The following TUSC3 variants were observed in gnomAD, a reference collection of about 807,000 sequenced individuals.
TUSC3 encodes dolichyl-diphosphooligosaccharide--protein glycosyltransferase subunit TUSC3.
Under a neutral mutation model 44.8 loss-of-function variants are expected in TUSC3, and 45 were observed. The ratio of observed to expected loss-of-function variants is 1.00; its 90% CI spans 0.79 to 1.29. The LOEUF is 1.29. Ranked by LOEUF, TUSC3 falls within the 50% of genes most tolerant of loss-of-function variation. The probability of loss-of-function intolerance (pLI) is 0.00; values close to 1 mark genes in which losing one functional copy is unlikely to be tolerated. For missense variants in TUSC3, 519 were observed against 437.9 expected (o/e 1.19, Z -1.65); for synonymous variants, 212 against 152.9 (o/e 1.39, Z -2.85).
At chr8:15,748,592 T>A (rs1338691926) in intron 9 of TUSC3, 127 bp downstream of exon 9, 2 of 876,796 alleles carry the variant, frequency 2.3e-6, no homozygotes, top group African/African-American at 3.3e-5. Context: ...GTTAAGCAAG[T>A]TTTTGAGCAC....
At chr8:15,611,403 G>C (rs1820824) in intron 1 of TUSC3, among the ~76,000 whole-genome samples, 20 of 152,140 alleles carry the variant, frequency 1.3e-4, no homozygotes, top group African/African-American at 4.8e-4. Context: ...TGGCTAGGGT[G>C]GTCTCAAACT....
At chr8:15,808,315 A>G in the TUSC3 span, among the ~76,000 whole-genome samples, 4 of 152,152 alleles carry the variant, frequency 2.6e-5, no homozygotes, top group East Asian at 7.7e-4. Context: ...TATATTAAAC[A>G]TAAAAAGAAT....
chr8:15,664,449 ATT>A (rs1807567162), intron 5 of TUSC3, among the ~76,000 whole-genome samples: 1 of 59,894 alleles, frequency 1.7e-5, no homozygotes, highest in African/African-American at 6.1e-5. Flanking sequence ...TATTATTATT[ATT>A]ATTATTATTA....
the TUSC3 span, among the ~76,000 whole-genome samples, chr8:15,822,132 G>T: frequency 6.6e-6 from 1 of 152,122 alleles, no homozygotes; most frequent in African/African-American, 2.4e-5. Context: ...TTTGGCTTGA[G>T]CAATAGGAAG....
intron 1 of TUSC3, among the ~76,000 whole-genome samples, chr8:15,609,811 A>G (rs1362680305): frequency 6.6e-6 from 1 of 152,002 alleles, no homozygotes; most frequent in African/African-American, 2.4e-5. Flanking sequence ...TCCCAAAACC[A>G]AAAAAAGGCC....
chr8:15,707,537 T>G (rs1809666012), intron 6 of TUSC3, among the ~76,000 whole-genome samples: 1 of 151,932 alleles, frequency 6.6e-6, no homozygotes, highest in African/African-American at 2.4e-5. Flanking sequence ...TTCCCAGGCC[T>G]GTAGGGGAAA....
intron 1 of TUSC3, among the ~76,000 whole-genome samples, chr8:15,562,446 T>A (rs766845638): frequency 6.6e-6 from 1 of 152,158 alleles, no homozygotes; most frequent in East Asian, 1.9e-4. Flanking sequence ...TATATTAGTT[T>A]TATATTGATG....
chr8:15,713,237 T>C (rs1809928000), intron 6 of TUSC3, among the ~76,000 whole-genome samples: 1 of 152,202 alleles, frequency 6.6e-6, no homozygotes, highest in Non-Finnish European at 1.5e-5. Context: ...GTTTACAGTT[T>C]TATGTGGTTT....
At chr8:15,833,057 C>G in the TUSC3 span, among the ~76,000 whole-genome samples, 2 of 152,172 alleles carry the variant, frequency 1.3e-5, no homozygotes, top group South Asian at 4.1e-4. Context: ...TGGACATGAA[C>G]AGACGCTTTT....
At chr8:15,787,179 T>G in the TUSC3 span, among the ~76,000 whole-genome samples, 4 of 152,126 alleles carry the variant, frequency 2.6e-5, no homozygotes, top group Non-Finnish European at 5.9e-5. Flanking sequence ...TTTCGTTGTG[T>G]TGTTTTGTAT....
intron 1 of TUSC3, among the ~76,000 whole-genome samples, chr8:15,562,960 G>A (rs1242800227): frequency 1.3e-5 from 2 of 152,052 alleles, no homozygotes; most frequent in East Asian, 1.9e-4. Context: ...AATTGTGGGA[G>A]CGCTGTTCTG....
At chr8:15,436,545 C>G (rs541954431) in intron 1 of TUSC3, among the ~76,000 whole-genome samples, 10 of 152,144 alleles carry the variant, frequency 6.6e-5, no homozygotes, top group Non-Finnish European at 7.3e-5. Flanking sequence ...TTAAGAACAA[C>G]TAATGTTTCT....
rs1807312789 is a variant in TUSC3, at chr8:15,659,258, A to C, written c.427-249A>C. ...AAGAACGAAATGACTTACAAAATAT[A>C]CAGAACATAATGCATAATTTGAATG... On this transcript the variant is annotated intron_variant, in intron 3 of 10. Transcript: ENST00000503731. Among the ~76,000 whole-genome samples, 3 of 152,130 alleles carry C rather than the reference A, an allele frequency of 2.0e-5. No homozygotes were observed. The South Asian group carries it at 6.2e-4, about 31-fold the overall frequency.
rs2129225747 is a variant in TUSC3 at position 15,764,191 on chromosome 8, T to G, written c.*47-12T>G. 1 of 1,602,628 alleles carries G rather than the reference T, an allele frequency of 6.2e-7. No homozygotes were observed. The highest frequency in any genetic ancestry group is 2.2e-5 in the East Asian group (1 of 44,580). On this transcript the variant is annotated splice_polypyrimidine_tract_variant and intron_variant, in intron 10 of 10. Coordinates refer to ENST00000503731, the MANE Select transcript of TUSC3 (RefSeq NM_006765.4). Reference sequence around the variant, plus strand: ...CTATGTTCAGCACATAATAATTTTCTTTCTTTTTCAGCTTTTTAATTAAAT... The same window carrying G: ...CTATGTTCAGCACATAATAATTTTCGTTCTTTTTCAGCTTTTTAATTAAAT...
intron 1 of TUSC3, among the ~76,000 whole-genome samples, chr8:15,428,958 G>A (rs1176878612): frequency 6.6e-6 from 1 of 152,200 alleles, no homozygotes; most frequent in Non-Finnish European, 1.5e-5. Flanking sequence ...TTGCTGTGCA[G>A]AAGCTCTTTA....
chr8:15,652,021 G>A (rs1426139530), intron 3 of TUSC3, among the ~76,000 whole-genome samples: 4 of 152,210 alleles, frequency 2.6e-5, no homozygotes, highest in African/African-American at 9.6e-5. Flanking sequence ...CACAAAGTTA[G>A]TGTAATGTGT....
intron 1 of TUSC3, among the ~76,000 whole-genome samples, chr8:15,597,152 A>C (rs1804108314): frequency 6.6e-6 from 1 of 152,052 alleles, no homozygotes. Flanking sequence ...CCAAGGTCAG[A>C]ATCATGACAG....
chr8:15,779,106 T>C, the TUSC3 span, among the ~76,000 whole-genome samples: 1 of 116,286 alleles, frequency 8.6e-6, no homozygotes, highest in Admixed American at 7.9e-5. Flanking sequence ...TTCTTTTTTT[T>C]TTTTTTTTTT....
At chr8:15,420,237 C>T (rs1029833741) in intron 1 of TUSC3, among the ~76,000 whole-genome samples, 1 of 152,104 alleles carries the variant, frequency 6.6e-6, no homozygotes, top group Non-Finnish European at 1.5e-5. Flanking sequence ...TGGTTCATGC[C>T]TGTAATCCCA....
Sources: gnomAD v4.1 joint callset for allele counts (sites outside exome capture counted in the v4.1 genomes callset) on GRCh38, gnomAD v4.1.1 for gene constraint, MANE v1.5 for transcripts, NCBI Gene and HGNC (gene_info 2026-07-23, HGNC 2026-07-21) for gene names.